Variants in STK32B observed in about 807,000 individuals in gnomAD.
STK32B encodes the protein serine/threonine kinase 32B.
A neutral mutation model predicts 52.6 loss-of-function variants in STK32B; 43 were observed. That is an observed-to-expected ratio of 0.82 (90% CI 0.64 to 1.05). STK32B has a LOEUF of 1.05. STK32B is among the 50% of genes least tolerant of loss of function. STK32B has a pLI of 0.00. For synonymous variants in STK32B, 238 were observed against 204.3 expected (o/e 1.17, Z -1.41); for missense variants, 621 against 534.6 (o/e 1.16, Z -1.59).
At chr4:5,464,058 A>G (rs1053699961) in intron 9 of STK32B, among the ~76,000 whole-genome samples, 46 of 152,300 alleles carry the variant, frequency 3.0e-4, no homozygotes, top group East Asian at 9.7e-4. Context: ...TCAGGGCGGA[A>G]GGTGAAGCAA....
intron 3 of STK32B, among the ~76,000 whole-genome samples, chr4:5,298,614 G>A (rs1729361166): frequency 6.6e-6 from 1 of 152,146 alleles, no homozygotes; most frequent in Non-Finnish European, 1.5e-5. Context: ...TCAAGCCTCA[G>A]TAATGGCAGG....
chr4:5,287,383 A>G (rs2108879005), intron 3 of STK32B, among the ~76,000 whole-genome samples: 1 of 128,734 alleles, frequency 7.8e-6, no homozygotes, highest in Middle Eastern at 4.2e-3. Context: ...ACCTCTTTAT[A>G]TATTTATATA....
intron 1 of STK32B, among the ~76,000 whole-genome samples, chr4:5,102,922 T>TTCTCCTCCCC (rs1406562270): frequency 1.2e-5 from 1 of 85,536 alleles, no homozygotes; most frequent in Non-Finnish European, 2.2e-5. Flanking sequence ...CTCCCCTCCC[T>TTCTCCTCCCC]TCTCCTCCCC....
intron 6 of STK32B, among the ~76,000 whole-genome samples, chr4:5,433,937 C>G (rs1236230763): frequency 6.6e-6 from 1 of 152,218 alleles, no homozygotes; most frequent in Non-Finnish European, 1.5e-5. Flanking sequence ...TTTCACGCCC[C>G]ATGTTCCTGC....
At chr4:5,168,020 G>A (rs1489667267) in intron 2 of STK32B, among the ~76,000 whole-genome samples, 1 of 152,180 alleles carries the variant, frequency 6.6e-6, no homozygotes, top group Non-Finnish European at 1.5e-5. Flanking sequence ...TTGAGGGCAG[G>A]CCTGCTTCTT....
chr4:5,466,206 C>T (rs920925365), intron 9 of STK32B, among the ~76,000 whole-genome samples: 1 of 152,124 alleles, frequency 6.6e-6, no homozygotes, highest in Admixed American at 6.5e-5. Context: ...TGGCCAGGAG[C>T]AGGGCCAGGC....
intron 6 of STK32B, among the ~76,000 whole-genome samples, chr4:5,423,592 G>A (rs554772690): frequency 6.6e-6 from 1 of 152,342 alleles, no homozygotes; most frequent in Admixed American, 6.5e-5. Flanking sequence ...GGAACACAGA[G>A]CCAAATCCAA....
At chr4:5,034,813 A>C in the STK32B span, among the ~76,000 whole-genome samples, 3 of 152,188 alleles carry the variant, frequency 2.0e-5, no homozygotes, top group Non-Finnish European at 4.4e-5. Context: ...ATCGTCAGAC[A>C]CTGGTTCAAA....
chr4:5,171,378 T>C (rs1719359005), intron 3 of STK32B, among the ~76,000 whole-genome samples: 1 of 151,888 alleles, frequency 6.6e-6, no homozygotes. Flanking sequence ...ATGAAGTCCT[T>C]GCCCATGCCT....
At chr4:5,444,877 T>A (rs13132680) in intron 6 of STK32B, among the ~76,000 whole-genome samples, 19,408 of 152,234 alleles carry the variant, frequency 0.13, 1,879 homozygotes, top group East Asian at 0.53. Flanking sequence ...TCTTCCTGTT[T>A]CCCAGGGCAC....
chr4:5,095,277 G>A (rs1157544083), intron 1 of STK32B, among the ~76,000 whole-genome samples: 1 of 152,148 alleles, frequency 6.6e-6, no homozygotes, highest in Non-Finnish European at 1.5e-5. Flanking sequence ...GTAAGCTTAA[G>A]GTGATATGGT....
intron 4 of STK32B, among the ~76,000 whole-genome samples, chr4:5,352,260 T>C (rs943061999): frequency 3.9e-5 from 6 of 152,104 alleles, no homozygotes; most frequent in Admixed American, 1.3e-4. Context: ...TCAAGTAGAA[T>C]TTATCTCAGG....
At chr4:5,423,468 G>A (rs1275233334) in intron 6 of STK32B, among the ~76,000 whole-genome samples, 1 of 152,098 alleles carries the variant, frequency 6.6e-6, no homozygotes, top group African/African-American at 2.4e-5. Context: ...AATTATAGAA[G>A]GCATATAGCA....
At chr4:5,315,017 T>C (rs143815229) in intron 3 of STK32B, among the ~76,000 whole-genome samples, 3,651 of 152,224 alleles carry the variant, frequency 0.024, 90 homozygotes, top group Non-Finnish European at 0.03. Flanking sequence ...CAGAAGACTC[T>C]GTGAAGAGGA....
Position 5,416,952 on chromosome 4 carries a change from C to T in STK32B, c.562+18C>T. The stretch of plus-strand genomic sequence containing the variant: ...CTACATGGGTGAGTGTTCCAGGCCC[C>T]TTCTTTTCATGTGATCGGGCTCACT... On this transcript the variant is annotated intron_variant, in intron 6 of 11. Transcript: ENST00000282908. The T allele has an allele frequency of 2.5e-6, 4 of 1,603,450 alleles. No homozygotes were observed. Among genetic ancestry groups the T allele is most frequent in the Non-Finnish European group, 3.4e-6 (4 of 1,174,342 alleles).
chr4:5,434,454 G>GTGTGTGTGTA (rs1412605937), intron 6 of STK32B, among the ~76,000 whole-genome samples: 2 of 131,254 alleles, frequency 1.5e-5, no homozygotes, highest in African/African-American at 5.7e-5. Flanking sequence ...GTGTGTGTGT[G>GTGTGTGTGTA]TATATATATA....
At chr4:5,262,022 C>T (rs1219934157) in intron 3 of STK32B, among the ~76,000 whole-genome samples, 4 of 152,160 alleles carry the variant, frequency 2.6e-5, no homozygotes, top group Non-Finnish European at 4.4e-5. Flanking sequence ...AGGCATAACT[C>T]GCTCCATTTC....
In STK32B at chr4:5,340,339, A is replaced by G. The variant is rs148194067; in HGVS notation, c.434+8946A>G. Among the ~76,000 whole-genome samples the G allele has an allele frequency of 3.9e-3, 594 of 152,320 alleles. 2 individuals are homozygous for G. Among genetic ancestry groups the G allele is most frequent in the African/African-American group, 0.014 (569 of 41,568 alleles). ...GGGGCAGGGGCCGAGTTGGCAAGTAAGGCTTCCTCTGCCACAGTCGGTCTG... is the reference window on the plus strand; with the variant it reads ...GGGGCAGGGGCCGAGTTGGCAAGTAGGGCTTCCTCTGCCACAGTCGGTCTG... On this transcript the variant is annotated intron_variant, in intron 4 of 11. Coordinates refer to ENST00000282908, the MANE Select transcript of STK32B (RefSeq NM_018401.3).
chr4:5,373,799 A>G (rs1222206315), intron 4 of STK32B, among the ~76,000 whole-genome samples: 1 of 152,216 alleles, frequency 6.6e-6, no homozygotes, highest in African/African-American at 2.4e-5. Context: ...TGTCTCTGCA[A>G]TCTGAGTATG....
Sources: gnomAD v4.1 joint callset for allele counts (sites outside exome capture counted in the v4.1 genomes callset) on GRCh38, gnomAD v4.1.1 for gene constraint, MANE v1.5 for transcripts, NCBI Gene and HGNC (gene_info 2026-07-23, HGNC 2026-07-21) for gene names.